KCTD20: variants seen among roughly 807,000 people sequenced by gnomAD.
The protein encoded by KCTD20 is potassium channel tetramerization domain containing 20.
Under a neutral mutation model 39.6 loss-of-function variants are expected in KCTD20, and 30 were observed. That is an observed-to-expected ratio of 0.76 (90% CI 0.57 to 1.03). The LOEUF (loss-of-function observed/expected upper bound fraction) is 1.03, where lower values mean the gene tolerates loss of function less well. KCTD20 is among the 50% of genes least tolerant of loss of function. The pLI is 0.00. For missense variants in KCTD20, 422 were observed against 522.0 expected, an observed-to-expected ratio of 0.81 and a Z score of 1.87; for synonymous variants, 162 against 180.6, an observed-to-expected ratio of 0.90 and a Z score of 0.83.
At chr6:36,474,273 AATT>A (rs1456528053) in intron 2 of KCTD20, among the ~76,000 whole-genome samples, 2 of 138,102 alleles carry the variant, frequency 1.4e-5, no homozygotes, top group Non-Finnish European at 3.0e-5. Context: ...CCCTTCCTAA[AATT>A]TTAAAACAAT....
chr6:36,459,760 C>A (rs2127436246), intron 1 of KCTD20, among the ~76,000 whole-genome samples: 1 of 152,236 alleles, frequency 6.6e-6, no homozygotes, highest in East Asian at 1.9e-4. Flanking sequence ...TGTTTTCTGA[C>A]AGTGATTTGT....
In KCTD20 at chr6:36,488,829, T is replaced by A. The variant is rs1253553368; in HGVS notation, c.*1654T>A. On this transcript the variant is annotated 3_prime_UTR_variant, in exon 8 of 8. Transcript: ENST00000373731. ...CAGGGCTGAAAAAGTGTTCTTACGT[T>A]CTCTGCATGTGACTAGCATCACTGT... 2 of 152,652 alleles carry A rather than the reference T, an allele frequency of 1.3e-5. No homozygotes were observed. The allele number at this position is 152,652 out of a possible 1,614,324, so 9.5% of individuals were successfully genotyped here.
At chr6:36,456,704 C>T (rs1321066787) in intron 1 of KCTD20, among the ~76,000 whole-genome samples, 7 of 151,628 alleles carry the variant, frequency 4.6e-5, no homozygotes, top group Non-Finnish European at 8.8e-5. Flanking sequence ...CTTCCTGCCT[C>T]AGCCTCCTGA....
chr6:36,448,040 T>TATATATATATA (rs1561940752), intron 1 of KCTD20, among the ~76,000 whole-genome samples: 9 of 146,190 alleles, frequency 6.2e-5, no homozygotes, highest in African/African-American at 2.1e-4. Context: ...TATATATATA[T>TATATATATATA]TTGAAATACT....
At chr6:36,466,067 GTTTC>G (rs889788358) in intron 1 of KCTD20, among the ~76,000 whole-genome samples, 2 of 149,904 alleles carry the variant, frequency 1.3e-5, no homozygotes, top group African/African-American at 4.9e-5. Flanking sequence ...GAAGTGTTTT[GTTTC>G]TTTTCTTTTT....
chr6:36,462,709 C>T (rs1478373954), intron 1 of KCTD20, among the ~76,000 whole-genome samples: 1 of 152,190 alleles, frequency 6.6e-6, no homozygotes, highest in Non-Finnish European at 1.5e-5. Context: ...ATCTCAACAA[C>T]TAGATTGTAA....
intron 1 of KCTD20, among the ~76,000 whole-genome samples, chr6:36,467,361 C>T (rs1286027789): frequency 5.1e-5 from 3 of 58,916 alleles, no homozygotes; most frequent in South Asian, 1.7e-3. Flanking sequence ...TTTTTTGAGA[C>T]GGAGTTTCGC....
chr6:36,444,106 G>T (rs1380149396), intron 1 of KCTD20, among the ~76,000 whole-genome samples: 2 of 152,180 alleles, frequency 1.3e-5, no homozygotes, highest in Non-Finnish European at 2.9e-5. Context: ...TAGTAATAAG[G>T]TTGCAGTACC....
At chr6:36,448,015 G>GTATATATATATATATATATATATATA (rs70975158) in intron 1 of KCTD20, among the ~76,000 whole-genome samples, 19 of 128,930 alleles carry the variant, frequency 1.5e-4, no homozygotes, top group African/African-American at 5.8e-4. Flanking sequence ...ATGTGTGTGT[G>GTATATATATATATATATATATATATA]TATATATATA....
intron 1 of KCTD20, among the ~76,000 whole-genome samples, chr6:36,450,298 G>A (rs907687095): frequency 1.3e-5 from 2 of 151,714 alleles, no homozygotes; most frequent in Non-Finnish European, 2.9e-5. Flanking sequence ...GACCAGCGTG[G>A]CCAACATGAC....
Position 36,486,998 on chromosome 6 carries a change from G to A in KCTD20, c.1083G>A (p.Lys361=). The part of the protein sequence containing the change: ...IQMSWEKEEG[K]SRHVDFQCVR... ...TGTCATGGGAAAAGGAAGAAGGGAA[G>A]AGTCGCCATGTGGATTTCCAGTGTG... Residue 361 remains lysine (K), a synonymous_variant, in exon 8 of 8, where the codon AAG becomes AAA. Transcript: ENST00000373731. 1 of 1,614,252 alleles carries A rather than the reference G, an allele frequency of 6.2e-7. No individual in the cohort carries two copies. Among genetic ancestry groups the A allele is most frequent in the Non-Finnish European group, 8.5e-7 (1 of 1,180,042 alleles).
At chr6:36,444,800 G>A (rs1344842971) in intron 1 of KCTD20, among the ~76,000 whole-genome samples, 1 of 152,178 alleles carries the variant, frequency 6.6e-6, no homozygotes, top group Non-Finnish European at 1.5e-5. Flanking sequence ...GCAGAAATGA[G>A]GGCTGGATAA....
intron 1 of KCTD20, among the ~76,000 whole-genome samples, chr6:36,453,834 A>G (rs1229244442): frequency 6.6e-6 from 1 of 152,058 alleles, no homozygotes; most frequent in Non-Finnish European, 1.5e-5. Flanking sequence ...TAAAGCTATA[A>G]ATTTTCCTTT....
intron 1 of KCTD20, among the ~76,000 whole-genome samples, chr6:36,458,705 T>G (rs901716511): frequency 6.6e-6 from 1 of 151,532 alleles, no homozygotes; most frequent in Non-Finnish European, 1.5e-5. Flanking sequence ...AAAGAAGGCA[T>G]TTTTGGCCAA....
chr6:36,449,398 A>G (rs1775165406), intron 1 of KCTD20, among the ~76,000 whole-genome samples: 2 of 151,304 alleles, frequency 1.3e-5, no homozygotes, highest in South Asian at 4.2e-4. Flanking sequence ...TGATTGATAG[A>G]CACAGAGCGC....
chr6:36,487,242 T>A lies in KCTD20; in HGVS notation c.*67T>A, dbSNP rs1776455422. ...TGGGATGCCTGCAGCCAGCCCTCCC[T>A]CGTGATTTGTCTCACCTTGAGTAGG... On this transcript the variant is annotated 3_prime_UTR_variant, in exon 8 of 8. Transcript: ENST00000373731. 6.7e-7 allele frequency: 1 copy of A among 1,497,386 alleles called. No homozygotes were observed. The highest frequency in any genetic ancestry group is 1.9e-5 in the Admixed American group (1 of 51,606). 92.8% of individuals were successfully genotyped at this position (1,497,386 alleles called of 1,614,324 possible).
chr6:36,461,816 T>C (rs1775610906), intron 1 of KCTD20, among the ~76,000 whole-genome samples: 1 of 152,206 alleles, frequency 6.6e-6, no homozygotes, highest in Non-Finnish European at 1.5e-5. Flanking sequence ...TCTAATCTTG[T>C]CACCCTGTCA....
At chr6:36,463,432 G>A (rs1176154023) in intron 1 of KCTD20, among the ~76,000 whole-genome samples, 1 of 152,120 alleles carries the variant, frequency 6.6e-6, no homozygotes, top group Non-Finnish European at 1.5e-5. Context: ...AGAGAAAAAA[G>A]GAGTTAAGAA....
chr6:36,465,496 G>A (rs1424872279), intron 1 of KCTD20: 1 of 148,536 alleles, frequency 6.7e-6, no homozygotes, highest in Non-Finnish European at 1.5e-5. Flanking sequence ...TTGATTAGGA[G>A]AAATTGCAAA....
Sources: gnomAD v4.1 joint callset for allele counts (sites outside exome capture counted in the v4.1 genomes callset) on GRCh38, gnomAD v4.1.1 for gene constraint, MANE v1.5 for transcripts, NCBI Gene and HGNC (gene_info 2026-07-23, HGNC 2026-07-21) for gene names.